SPAG9: variants seen among roughly 807,000 people sequenced by gnomAD.
SPAG9 encodes sperm associated antigen 9.
Under a neutral mutation model 166.5 loss-of-function variants are expected in SPAG9, and 35 were observed. The observed-to-expected ratio is 0.21, with a 90% confidence interval of 0.16 to 0.28. The LOEUF (loss-of-function observed/expected upper bound fraction) is 0.28. Ranked by LOEUF, SPAG9 falls within the 10% of genes least tolerant of loss-of-function variation. The pLI is 1.00. For missense variants in SPAG9, 1,235 were observed against 1,603.3 expected (o/e 0.77, Z 3.92); for synonymous variants, 534 against 565.5 (o/e 0.94, Z 0.79).
In SPAG9 at chr17:51,020,204, G is replaced by A. The variant is rs757517747; in HGVS notation, c.1046C>T (p.Pro349Leu). ...GAGATCTTTGTCCATATCCAGCTCA[G>A]GAGTAGATTCGATGATTGCTTGAAC... ...SEVQAIIEST[P>L]ELDMDKDLSG... Residue 349 changes from proline to leucine, a missense_variant, in exon 8 of 30, where the codon CCT (proline) becomes CTT (leucine). Pro to Leu is a moderately conservative substitution (Grantham distance 98). Transcript: ENST00000262013. 6.2e-7 allele frequency: 1 copy of A among 1,613,484 alleles called. No homozygotes were observed. The highest frequency in any genetic ancestry group is 8.5e-7 in the Non-Finnish European group (1 of 1,179,612).
chr17:50,977,778 G>C (rs1372076057), intron 26 of SPAG9, among the ~76,000 whole-genome samples: 2 of 152,132 alleles, frequency 1.3e-5, no homozygotes, highest in Admixed American at 6.6e-5. Context: ...CAGCTATGTG[G>C]GAGGCTGAGG....
chr17:51,075,627 C>T (rs2047948880), intron 2 of SPAG9, among the ~76,000 whole-genome samples: 1 of 152,060 alleles, frequency 6.6e-6, no homozygotes, highest in African/African-American at 2.4e-5. Flanking sequence ...AGTTCGAGAC[C>T]AGCTTGAACA....
Position 50,993,814 on chromosome 17 carries a change from T to C in SPAG9, c.2348A>G (p.Asp783Gly). 1 of 1,614,178 alleles carries C rather than the reference T, an allele frequency of 6.2e-7. No individual in the cohort carries two copies. Among genetic ancestry groups the C allele is most frequent in the Non-Finnish European group, 8.5e-7 (1 of 1,180,028 alleles). The change falls in exon 19 of 30, where the codon GAC becomes GGC. Residue 783 changes from aspartate to glycine, a missense_variant. Asp to Gly is a moderately conservative substitution (Grantham distance 94, BLOSUM62 -1). Coordinates refer to ENST00000262013, the MANE Select transcript of SPAG9 (RefSeq NM_001130528.3). ...IDAVQPGNIL[D>G]SFTVCNSHVL... ...ATGAGAGTTGCAAACAGTGAAACTG[T>C]CTAGGATGTTGCCAGGTTGAACAGC...
intron 16 of SPAG9, chr17:50,996,181 C>G (rs572598365): frequency 5.4e-6 from 1 of 184,654 alleles, no homozygotes; most frequent in Non-Finnish European, 1.1e-5. Context: ...TTCCTGAAGA[C>G]CTGAACTTAA....
chr17:50,970,705 AC>A lies in SPAG9; in HGVS notation c.3850+1del. 4 of 1,613,558 alleles carry A rather than the reference AC, an allele frequency of 2.5e-6. No homozygotes were observed. Among genetic ancestry groups the A allele is most frequent in the Non-Finnish European group, 2.5e-6 (3 of 1,179,580 alleles). ...ACTGAGCACCCAGAACCAATGACAT[AC>A]CCATTCGGAAGTCGATGTAGCCCTC... is the stretch of plus-strand genomic sequence containing the variant. On this transcript the variant is annotated splice_donor_variant, in intron 29 of 29. Coordinates refer to ENST00000262013, the MANE Select transcript of SPAG9 (RefSeq NM_001130528.3). LOFTEE classifies it high-confidence loss of function.
At chr17:50,989,432 T>C (rs1308886944) in intron 21 of SPAG9, 7 of 540,862 alleles carry the variant, frequency 1.3e-5, no homozygotes, top group Admixed American at 6.2e-5. Context: ...TGTTGACTGA[T>C]GCATGATTAT....
chr17:50,985,851 G>A (rs1975009705), intron 22 of SPAG9, 73 bp from the exon 23 acceptor site: 4 of 819,494 alleles, frequency 4.9e-6, no homozygotes, highest in Middle Eastern at 2.3e-4. Context: ...CAATGATCGC[G>A]AAGTTCATTC....
chr17:51,115,270 T>C (rs571411655), intron 1 of SPAG9, among the ~76,000 whole-genome samples: 2 of 152,080 alleles, frequency 1.3e-5, no homozygotes, highest in South Asian at 4.1e-4. Flanking sequence ...CTCACTGCAG[T>C]CTCAAACTCC....
At chr17:51,106,817 A>G (rs532686104) in intron 1 of SPAG9, among the ~76,000 whole-genome samples, 272 of 151,522 alleles carry the variant, frequency 1.8e-3, no homozygotes, top group South Asian at 5.0e-3. Flanking sequence ...AATAAAAATA[A>G]AAAAGTCCGG....
Position 50,990,554 on chromosome 17 carries a change from A to G in SPAG9, c.2513T>C (p.Leu838Pro). The change falls in exon 20 of 30, where the codon CTG becomes CCG. Residue 838 changes from leucine to proline, a missense_variant. Leu to Pro is a moderately conservative substitution (Grantham distance 98). Transcript: ENST00000262013. ...ACCAACCACTGTGATGCCTCCTAACAGGCTGTCTGTCTCTGCTGAGCTGTT... is the reference window on the plus strand; with the variant it reads ...ACCAACCACTGTGATGCCTCCTAACGGGCTGTCTGTCTCTGCTGAGCTGTT... ...TSNSSAETDS[L>P]LGGITVVGCS... is the part of the protein sequence containing the mutation. The G allele has an allele frequency of 1.2e-6, 2 of 1,614,178 alleles. No individual in the cohort carries two copies. The highest frequency in any genetic ancestry group is 1.7e-6 in the Non-Finnish European group (2 of 1,180,010).
rs140902182 is a variant in SPAG9, at chr17:50,981,389, T to G, written c.3237+1135A>C. 5.6e-5 allele frequency among the ~76,000 whole-genome samples: 8 copies of G among 143,544 alleles called. No individual in the cohort carries two copies. The East Asian group carries it at 1.6e-3, about 28-fold the overall frequency. 94.2% of individuals were successfully genotyped at this position (143,544 alleles called of 152,430 possible). ...TTCAATAAGGGATATTCAACCTGTG[T>G]GTGGATGGATGGATGGATGGATGGA... On this transcript the variant is annotated intron_variant, in intron 25 of 29. Coordinates refer to ENST00000262013, the MANE Select transcript of SPAG9 (RefSeq NM_001130528.3).
Position 50,995,125 on chromosome 17 carries a change from C to G in SPAG9, c.2158G>C (p.Asp720His). ...SVFYKDVAGL[D>H]TEGSKQRSAS... ...CTTCGCTGTTTACTGCCTTCTGTAT[C>G]CAAACCAGCAACATCCTTGTAAAAT... Residue 720 changes from aspartate to histidine, a missense_variant, in exon 18 of 30, where the codon GAT becomes CAT. Asp to His is a moderately conservative substitution (Grantham distance 81). Coordinates refer to ENST00000262013, the MANE Select transcript of SPAG9 (RefSeq NM_001130528.3). 1.2e-6 allele frequency: 2 copies of G among 1,614,052 alleles called. No individual in the cohort carries two copies. The highest frequency in any genetic ancestry group is 2.2e-5 in the South Asian group (2 of 91,082).
Position 51,120,631 on chromosome 17 carries a change from T to C in SPAG9, c.26A>G (p.Tyr9Cys), listed in dbSNP as rs1327200481. 1 of 1,610,128 alleles carries C rather than the reference T, an allele frequency of 6.2e-7. No homozygotes were observed. The highest frequency in any genetic ancestry group is 8.5e-7 in the Non-Finnish European group (1 of 1,178,648). Reference sequence around the variant, plus strand: ...CCCGGAGCCGCCGGGCTCCTCCTGATACACCACACCGTCCTCCAGCTCCAT... The same window carrying C: ...CCCGGAGCCGCCGGGCTCCTCCTGACACACCACACCGTCCTCCAGCTCCAT... MELEDGVV[Y>C]QEEPGGSGAV... is the part of the protein sequence containing the mutation. Residue 9 changes from tyrosine (Y) to cysteine (C), a missense_variant, in exon 1 of 30, where the codon TAT becomes TGT. Coordinates refer to ENST00000262013, the MANE Select transcript of SPAG9 (RefSeq NM_001130528.3). This position sits in a 1 kb window ranked among gnomAD's most constrained non-coding sequence, Gnocchi z 4.7.
intron 1 of SPAG9, among the ~76,000 whole-genome samples, chr17:51,097,529 T>G (rs552230954): frequency 6.6e-6 from 1 of 151,886 alleles, no homozygotes; most frequent in Non-Finnish European, 1.5e-5. Context: ...AGAAAAAAAA[T>G]TATGGTATCT....
chr17:50,984,391 T>C (rs1175832943), intron 24 of SPAG9, among the ~76,000 whole-genome samples: 8 of 152,062 alleles, frequency 5.3e-5, no homozygotes. Flanking sequence ...CCTATCACAT[T>C]ATTTAAAAGT....
At chr17:50,992,063 A>AT (rs1293998707) in intron 19 of SPAG9, among the ~76,000 whole-genome samples, 1 of 141,122 alleles carries the variant, frequency 7.1e-6, no homozygotes, top group Non-Finnish European at 1.5e-5. Context: ...TCATTTTTTG[A>AT]TTTTTTGTGG....
At chr17:51,094,016 C>T (rs1307090444) in intron 1 of SPAG9, among the ~76,000 whole-genome samples, 1 of 152,170 alleles carries the variant, frequency 6.6e-6, no homozygotes, top group South Asian at 2.1e-4. Context: ...CTAAAGTCTA[C>T]GTACTAAACA....
chr17:50,968,458 C>T lies in SPAG9; in HGVS notation c.3851-2071G>A, dbSNP rs1268146744. ...TTATTTATAGCAAATAAGCTGGGTG[C>T]GGTGCCTCATGCCTGTAATCCCAGC... is the stretch of plus-strand genomic sequence containing the variant. On this transcript the variant is annotated intron_variant, in intron 29 of 29. Transcript: ENST00000262013. 6.6e-5 allele frequency among the ~76,000 whole-genome samples: 10 copies of T among 152,134 alleles called. No homozygotes were observed. The East Asian group carries it at 1.3e-3, about 21-fold the overall frequency.
chr17:51,076,896 CAT>C (rs2047985137), intron 2 of SPAG9, among the ~76,000 whole-genome samples: 1 of 151,932 alleles, frequency 6.6e-6, no homozygotes, highest in South Asian at 2.1e-4. Context: ...CATAGTGGCT[CAT>C]GTCTGAAATC....
Sources: allele counts gnomAD v4.1 joint callset (sites outside exome capture counted in the v4.1 genomes callset), GRCh38; gene constraint gnomAD v4.1.1; non-coding constraint Gnocchi (gnomAD v3.1); transcripts MANE v1.5; gene names NCBI Gene and HGNC (gene_info 2026-07-23, HGNC 2026-07-21).